Variants in ARL2BP observed in about 807,000 individuals in gnomAD.
ARL2BP encodes ARF like GTPase 2 binding protein, also known as ADP-ribosylation factor-like protein 2-binding protein.
In ARL2BP, 19 loss-of-function variants were observed where a neutral mutation model predicts 24.2. That is an observed-to-expected ratio of 0.79 (90% CI 0.55 to 1.15). The LOEUF (loss-of-function observed/expected upper bound fraction) is 1.15, where lower values mean the gene tolerates loss of function less well. Ranked by LOEUF, ARL2BP falls within the 50% of genes most tolerant of loss-of-function variation. The probability of loss-of-function intolerance (pLI) is 0.00; values close to 1 mark genes in which losing one functional copy is unlikely to be tolerated. For synonymous variants in ARL2BP, 56 were observed against 70.5 expected, an observed-to-expected ratio of 0.79 and a Z score of 1.03; for missense variants, 160 against 190.4, an observed-to-expected ratio of 0.84 and a Z score of 0.94.
rs751906316 is a variant in ARL2BP at position 57,248,662 on chromosome 16, C to T, written c.207+19C>T. 27 of 1,419,798 alleles carry T rather than the reference C, an allele frequency of 1.9e-5. No individual in the cohort carries two copies. In the East Asian group the frequency reaches 6.3e-4, roughly 33 times the overall value. 88.0% of individuals were successfully genotyped at this position (1,419,798 alleles called of 1,614,324 possible). On this transcript the variant is annotated intron_variant, in intron 3 of 5. Coordinates refer to ENST00000219204, the MANE Select transcript of ARL2BP (RefSeq NM_012106.4). The stretch of plus-strand genomic sequence containing the variant: ...TGAATACGTAAGTAGATTTCTATGT[C>T]TCCTACCAGGAGGTCAGAGTTTTTA...
chr16:57,249,951 C>A, intron 4 of ARL2BP, 99 bp downstream of exon 4: 1 of 1,128,136 alleles, frequency 8.9e-7, no homozygotes, highest in Non-Finnish European at 1.3e-6. Flanking sequence ...TTTTCCTGTG[C>A]ATGCCGTTGG....
intron 5 of ARL2BP, chr16:57,250,772 C>T: frequency 4.6e-6 from 2 of 436,372 alleles, no homozygotes; most frequent in South Asian, 3.7e-5. Flanking sequence ...CCTTGCCTTT[C>T]TTTTATTTAT....
intron 3 of ARL2BP, 93 bp downstream of exon 3, chr16:57,248,736 A>G (rs1362852625): frequency 3.1e-5 from 20 of 655,230 alleles, no homozygotes; most frequent in Middle Eastern, 2.6e-4. Context: ...TGCCTTTTAA[A>G]ATATGCCACC....
Position 57,245,705 on chromosome 16 carries a change from C to G in ARL2BP, c.38+300C>G, listed in dbSNP as rs183753978. ...GCAAAGCCTGGAGGGGTTGAGCGCC[C>G]GAGGCCCCTCCACCCCTCCCTGGCC... On this transcript the variant is annotated intron_variant, in intron 1 of 5. Coordinates refer to ENST00000219204, the MANE Select transcript of ARL2BP (RefSeq NM_012106.4). The G allele has an allele frequency of 1.6e-3, 870 of 535,078 alleles. 5 individuals are homozygous for G. Among genetic ancestry groups the G allele is most frequent in the African/African-American group, 0.012 (610 of 51,818 alleles). The allele number at this position is 535,078 out of a possible 1,614,324, so 33.1% of individuals were successfully genotyped here.
intron 2 of ARL2BP, among the ~76,000 whole-genome samples, chr16:57,247,771 A>C (rs1049797072): frequency 5.9e-5 from 9 of 152,222 alleles, no homozygotes; most frequent in African/African-American, 2.2e-4. Context: ...TTCAGACCCC[A>C]TAATTTTAAT....
Position 57,252,320 on chromosome 16 carries a change from G to C in ARL2BP, c.*53G>C. 6.2e-7 allele frequency: 1 copy of C among 1,613,812 alleles called. No individual in the cohort carries two copies. Among genetic ancestry groups the C allele is most frequent in the Non-Finnish European group, 8.5e-7 (1 of 1,179,980 alleles). ...CATTCTGGATGTCACCAGCCCAATAGGCTCAGCTCATGATGACAGAACACA... is the reference window on the plus strand; with the variant it reads ...CATTCTGGATGTCACCAGCCCAATACGCTCAGCTCATGATGACAGAACACA... On this transcript the variant is annotated 3_prime_UTR_variant, in exon 6 of 6. Coordinates refer to ENST00000219204, the MANE Select transcript of ARL2BP (RefSeq NM_012106.4).
rs2075413086 is a variant in ARL2BP at position 57,252,921 on chromosome 16, TC to T, written c.*655del. 6.5e-6 allele frequency: 1 copy of T among 152,810 alleles called. No homozygotes were observed. The highest frequency in any genetic ancestry group is 2.1e-4 in the South Asian group (1 of 4,840). The allele number at this position is 152,810 out of a possible 1,614,324, so 9.5% of individuals were successfully genotyped here. A position where few individuals can be genotyped will look rare whatever the true frequency, so the allele number is the denominator to read the frequency against. ...GATGTAGTCCCACTGTTTCTAGAAG[TC>T]TCTTTTAAGCATTATTTTTGAAAAA... On this transcript the variant is annotated 3_prime_UTR_variant, in exon 6 of 6. Coordinates refer to ENST00000219204, the MANE Select transcript of ARL2BP (RefSeq NM_012106.4).
chr16:57,250,621 C>T (rs539615044), intron 5 of ARL2BP, 114 bp downstream of exon 5: 37 of 800,040 alleles, frequency 4.6e-5, no homozygotes, highest in African/African-American at 2.7e-4. Flanking sequence ...TCAAACTGGC[C>T]GATGAGGCAT....
At chr16:57,249,666 C>A in intron 3 of ARL2BP, 101 bp from the exon 4 acceptor site, 1 of 913,604 alleles carries the variant, frequency 1.1e-6, no homozygotes, top group Non-Finnish European at 1.8e-6. Flanking sequence ...TTGTGGCACA[C>A]AGACCTCAGG....
intron 2 of ARL2BP, 98 bp downstream of exon 2, chr16:57,246,239 C>A: frequency 8.2e-7 from 1 of 1,214,112 alleles, no homozygotes; most frequent in South Asian, 1.3e-5. Flanking sequence ...AAACATCAAG[C>A]TGCCTGCAAT....
intron 3 of ARL2BP, 27 bp downstream of exon 3, chr16:57,248,670 A>G (rs1020405126): frequency 7.4e-7 from 1 of 1,359,776 alleles, no homozygotes; most frequent in Non-Finnish European, 1.0e-6. Flanking sequence ...GTCTCCTACC[A>G]GGAGGTCAGA....
intron 2 of ARL2BP, 113 bp downstream of exon 2, chr16:57,246,254 A>T (rs1209951569): frequency 1.7e-5 from 16 of 957,656 alleles, no homozygotes; most frequent in Middle Eastern, 2.4e-4. Context: ...TGCAATTTTT[A>T]ATGTAGCACA....
chr16:57,250,327 TG>T, intron 4 of ARL2BP, 83 bp from the exon 5 acceptor site: 2 of 1,190,956 alleles, frequency 1.7e-6, no homozygotes, highest in South Asian at 1.2e-5. Flanking sequence ...GGGGTGGGGC[TG>T]GGGTGGTGGA....
At chr16:57,247,584 T>A (rs1473591513) in intron 2 of ARL2BP, 2 of 152,206 alleles carry the variant, frequency 1.3e-5, no homozygotes, top group African/African-American at 4.8e-5. Context: ...ACTAATCTAT[T>A]TACATGAATT....
intron 5 of ARL2BP, 164 bp from the exon 6 acceptor site, chr16:57,252,002 G>A: frequency 1.6e-6 from 1 of 614,672 alleles, no homozygotes; most frequent in South Asian, 2.0e-5. Flanking sequence ...GACTAGGGCA[G>A]GCCAGTATTG....
In ARL2BP at chr16:57,252,156, T is replaced by A. The variant is rs148264536; in HGVS notation, c.391-10T>A. ...TTTCTAGTCCTTCCTTTGGTTGTTT[T>A]CTCATATAGGAAAAAGAAGGCCGAG... On this transcript the variant is annotated splice_polypyrimidine_tract_variant and intron_variant, in intron 5 of 5. Transcript: ENST00000219204. The A allele has an allele frequency of 5.9e-4, 956 of 1,612,960 alleles. 9 individuals carry two copies. In the East Asian group the frequency reaches 0.017, roughly 28 times the overall value.
chr16:57,249,615 G>A, intron 3 of ARL2BP, 152 bp from the exon 4 acceptor site: 2 of 637,850 alleles, frequency 3.1e-6, no homozygotes, highest in Admixed American at 2.6e-5. Flanking sequence ...GACAGGAGCT[G>A]TGTTTTGGTC....
intron 1 of ARL2BP, 98 bp from the exon 2 acceptor site, chr16:57,245,982 A>G: frequency 1.7e-6 from 2 of 1,184,716 alleles, no homozygotes; most frequent in Non-Finnish European, 2.5e-6. Flanking sequence ...TCGTTTTGCT[A>G]CTCTTTTTTC....
rs1597951112 is a variant in ARL2BP, at chr16:57,245,273, G to A, written c.-95G>A. On this transcript the variant is annotated 5_prime_UTR_variant, in exon 1 of 6. Transcript: ENST00000219204. ...CCCGACCTGGCAGTGAGCTGGCCGCGGCCTTGGCTGAGAGGCCTTAACCCC... is the reference window on the plus strand; with the variant it reads ...CCCGACCTGGCAGTGAGCTGGCCGCAGCCTTGGCTGAGAGGCCTTAACCCC... 1 of 1,463,586 alleles carries A rather than the reference G, an allele frequency of 6.8e-7. No individual in the cohort carries two copies. 90.7% of individuals were successfully genotyped at this position (1,463,586 alleles called of 1,614,324 possible). A position where few individuals can be genotyped will look rare whatever the true frequency, so the allele number is the denominator to read the frequency against.
Sources: gnomAD v4.1 joint callset for allele counts (sites outside exome capture counted in the v4.1 genomes callset) on GRCh38, gnomAD v4.1.1 for gene constraint, MANE v1.5 for transcripts, NCBI Gene and HGNC (gene_info 2026-07-23, HGNC 2026-07-21) for gene names.